The following RPTOR variants were observed in gnomAD, a reference collection of about 807,000 sequenced individuals.
RPTOR encodes regulatory associated protein of MTOR complex 1.
In RPTOR, 21 loss-of-function variants were observed where a neutral mutation model predicts 169.9. The ratio of observed to expected loss-of-function variants is 0.12; its 90% CI spans 0.09 to 0.18. The LOEUF (loss-of-function observed/expected upper bound fraction) is 0.18. Among genes scored for constraint, RPTOR ranks in the 10% least tolerant of loss-of-function variants. RPTOR has a pLI of 1.00. For synonymous variants in RPTOR, 732 were observed against 753.2 expected, an observed-to-expected ratio of 0.97 and a Z score of 0.46; for missense variants, 1,133 against 1,855.9, an observed-to-expected ratio of 0.61 and a Z score of 7.16.
chr17:80,741,679 C>G (rs955198926), intron 5 of RPTOR, among the ~76,000 whole-genome samples: 2 of 152,158 alleles, frequency 1.3e-5, no homozygotes, highest in Admixed American at 1.3e-4. Context: ...TACAGCAGCA[C>G]GCAAGTGGAC....
intron 3 of RPTOR, among the ~76,000 whole-genome samples, chr17:80,705,940 AGCC>A (rs2066138871): frequency 6.6e-6 from 1 of 152,160 alleles, no homozygotes; most frequent in Admixed American, 6.5e-5. Context: ...CTGTGTGCCC[AGCC>A]TGGGCACAGC....
intron 6 of RPTOR, among the ~76,000 whole-genome samples, chr17:80,756,976 G>A (rs1345317790): frequency 6.6e-6 from 1 of 152,164 alleles, no homozygotes; most frequent in Non-Finnish European, 1.5e-5. Flanking sequence ...GCACTGTAAT[G>A]TTTGAAATAA....
chr17:80,864,492 G>C (rs1289024651), intron 13 of RPTOR, among the ~76,000 whole-genome samples: 2 of 152,080 alleles, frequency 1.3e-5, no homozygotes, highest in Non-Finnish European at 1.5e-5. Context: ...CTTTAAAGCA[G>C]AGAGAGAGAC....
chr17:80,958,365 A>G (rs924945331), intron 29 of RPTOR, among the ~76,000 whole-genome samples: 5 of 146,604 alleles, frequency 3.4e-5, no homozygotes, highest in Non-Finnish European at 6.0e-5. Flanking sequence ...CACTGGGATT[A>G]TAGGTGTGAG....
intron 1 of RPTOR, among the ~76,000 whole-genome samples, chr17:80,584,968 G>A (rs975757648): frequency 7.2e-5 from 11 of 152,154 alleles, no homozygotes; most frequent in Admixed American, 7.2e-4. Flanking sequence ...TATAGAAAGA[G>A]CGTGAGCTGG....
intron 13 of RPTOR, among the ~76,000 whole-genome samples, chr17:80,871,134 C>A (rs1191513348): frequency 2.6e-5 from 4 of 152,092 alleles, no homozygotes; most frequent in Non-Finnish European, 5.9e-5. Flanking sequence ...GAGACGGAGT[C>A]TCACTCTGTC....
At chr17:80,574,266 G>A (rs1156317807) in intron 1 of RPTOR, among the ~76,000 whole-genome samples, 4 of 148,104 alleles carry the variant, frequency 2.7e-5, no homozygotes, top group African/African-American at 9.9e-5. Flanking sequence ...CCGGGTTCAC[G>A]CCATTCTCCT....
intron 3 of RPTOR, among the ~76,000 whole-genome samples, chr17:80,692,218 C>A (rs536776593): frequency 6.6e-6 from 1 of 152,220 alleles, no homozygotes; most frequent in South Asian, 2.1e-4. Flanking sequence ...CTCAAGCCAT[C>A]CTCCCACCTC....
chr17:80,655,751 A>C (rs896111079), intron 3 of RPTOR, among the ~76,000 whole-genome samples: 1 of 152,062 alleles, frequency 6.6e-6, no homozygotes, highest in Non-Finnish European at 1.5e-5. Flanking sequence ...AAATACGTCA[A>C]ATTTAAAATG....
chr17:80,550,608 C>G (rs1420314313), intron 1 of RPTOR, among the ~76,000 whole-genome samples: 1 of 152,216 alleles, frequency 6.6e-6, no homozygotes, highest in Non-Finnish European at 1.5e-5. Flanking sequence ...TCCATCACCG[C>G]TTGCCACAAC....
intron 1 of RPTOR, among the ~76,000 whole-genome samples, chr17:80,576,183 T>G (rs1213252712): frequency 1.3e-5 from 2 of 152,252 alleles, no homozygotes; most frequent in African/African-American, 4.8e-5. Flanking sequence ...TTGGAGCACT[T>G]AGTCTACTTA....
In RPTOR at chr17:80,963,745, CCT is replaced by C. The variant is rs1568015085; in HGVS notation, c.3940-514_3940-513del. Among the ~76,000 whole-genome samples the C allele has an allele frequency of 8.6e-5, 9 of 104,276 alleles. 1 individual carries two copies. Among genetic ancestry groups the C allele is most frequent in the East Asian group, 3.0e-4 (1 of 3,338 alleles). The allele number at this position is 104,276 out of a possible 152,430, so 68.4% of individuals were successfully genotyped here. On this transcript the variant is annotated intron_variant, in intron 33 of 33. Transcript: ENST00000306801. Reference sequence around the variant, plus strand: ...CCCCTCTGCGGCCCTCACCCCGTCCCCTCTGCGGCCCTCACCCCGTCCCCTCT... The same window carrying C: ...CCCCTCTGCGGCCCTCACCCCGTCCCCTGCGGCCCTCACCCCGTCCCCTCT...
chr17:80,848,681 G>C (rs1427671261), intron 11 of RPTOR, among the ~76,000 whole-genome samples: 1 of 152,244 alleles, frequency 6.6e-6, no homozygotes, highest in East Asian at 1.9e-4. Context: ...GGAGACACTG[G>C]CTCTCTTACT....
rs746645664 is a variant in RPTOR at position 80,708,026 on chromosome 17, C to A, written c.507+27C>A. On this transcript the variant is annotated intron_variant, in intron 4 of 33. Coordinates refer to ENST00000306801, the MANE Select transcript of RPTOR (RefSeq NM_020761.3). The surrounding 1 kb of genome is among the most constrained non-coding windows in gnomAD (Gnocchi z 4.2). Reference sequence around the variant, plus strand: ...TGGGTGTGCCTTCCAGCTTCCTTCCCGTTTCTGCCAAAAGCCATGCCAATT... The same window carrying A: ...TGGGTGTGCCTTCCAGCTTCCTTCCAGTTTCTGCCAAAAGCCATGCCAATT... 1.2e-6 allele frequency: 2 copies of A among 1,602,472 alleles called. No homozygotes were observed.
At chr17:80,781,186 G>A (rs1049883780) in intron 6 of RPTOR, among the ~76,000 whole-genome samples, 10 of 152,220 alleles carry the variant, frequency 6.6e-5, no homozygotes, top group African/African-American at 2.4e-4. Flanking sequence ...TTGCCGGGTG[G>A]CCTGAGCTAG....
intron 6 of RPTOR, among the ~76,000 whole-genome samples, chr17:80,776,321 CTTTTTTTTTT>C (rs545348018): frequency 1.8e-5 from 2 of 112,252 alleles, no homozygotes; most frequent in South Asian, 5.6e-4. Flanking sequence ...GCCAAACTTC[CTTTTTTTTTT>C]TTTTTTTTTG....
chr17:80,889,370 C>T (rs1019402409), intron 17 of RPTOR, among the ~76,000 whole-genome samples: 11 of 152,196 alleles, frequency 7.2e-5, no homozygotes, highest in Non-Finnish European at 1.5e-4. Flanking sequence ...AAAGCTGCCT[C>T]CCTTTCGAGG....
intron 20 of RPTOR, among the ~76,000 whole-genome samples, chr17:80,906,029 G>A (rs1030115753): frequency 1.3e-5 from 2 of 152,174 alleles, no homozygotes; most frequent in African/African-American, 4.8e-5. Flanking sequence ...ATAATCAAGG[G>A]GAGTGGGTCT....
chr17:80,762,039 C>A (rs2066741644), intron 6 of RPTOR, among the ~76,000 whole-genome samples: 1 of 152,176 alleles, frequency 6.6e-6, no homozygotes, highest in African/African-American at 2.4e-5. Flanking sequence ...AGCTTCCAGG[C>A]CGTTTCCAGA....
Sources: gnomAD v4.1 joint callset for allele counts (sites outside exome capture counted in the v4.1 genomes callset) on GRCh38, gnomAD v4.1.1 for gene constraint, Gnocchi (gnomAD v3.1) non-coding constraint, MANE v1.5 for transcripts, NCBI Gene and HGNC (gene_info 2026-07-23, HGNC 2026-07-21) for gene names.